The following PIK3CA variants were observed in gnomAD, a reference collection of about 807,000 sequenced individuals.
PIK3CA encodes the protein phosphatidylinositol 4,5-bisphosphate 3-kinase catalytic subunit alpha isoform.
Under a neutral mutation model 138.2 loss-of-function variants are expected in PIK3CA, and 27 were observed. That is an observed-to-expected ratio of 0.20 (90% CI 0.14 to 0.27). The LOEUF is 0.27. PIK3CA is among the 10% of genes least tolerant of loss of function. The pLI is 1.00. For missense variants in PIK3CA, 544 were observed against 1,277.4 expected, an observed-to-expected ratio of 0.43 and a Z score of 8.75; for synonymous variants, 358 against 413.2, an observed-to-expected ratio of 0.87 and a Z score of 1.62.
intron 9 of PIK3CA, 28 bp downstream of exon 9, chr3:179,210,593 T>G: frequency 6.2e-7 from 1 of 1,605,994 alleles, no homozygotes; most frequent in Non-Finnish European, 8.5e-7. Context: ...GTTTATTAAG[T>G]ATCAATTATA....
chr3:179,193,482 G>C (rs1258045687), intron 1 of PIK3CA, among the ~76,000 whole-genome samples: 1 of 152,196 alleles, frequency 6.6e-6, no homozygotes, highest in Non-Finnish European at 1.5e-5. Context: ...AGCAACCTGG[G>C]GTTGTTGGTT....
intron 1 of PIK3CA, among the ~76,000 whole-genome samples, chr3:179,159,214 A>C (rs1723215091): frequency 1.3e-5 from 2 of 152,152 alleles, no homozygotes; most frequent in Non-Finnish European, 2.9e-5. Flanking sequence ...ACTGCATATA[A>C]TTTTGTCTCT....
At position 179,210,071 on chromosome 3, in the gene PIK3CA, T is replaced by G; in HGVS notation, c.1252-115T>G. 6.7e-6 allele frequency: 5 copies of G among 748,892 alleles called. No individual in the cohort carries two copies. The South Asian group carries it at 1.0e-4, about 15-fold the overall frequency. 46.4% of individuals were successfully genotyped at this position (748,892 alleles called of 1,614,324 possible). Reference sequence around the variant, plus strand: ...ACCTTGAAAAATCAATTTTTTTTTTTTAGATATTCCCATTATTATAGAGAT... The same window carrying G: ...ACCTTGAAAAATCAATTTTTTTTTTGTAGATATTCCCATTATTATAGAGAT... On this transcript the variant is annotated intron_variant, in intron 7 of 20. Coordinates refer to ENST00000263967, the MANE Select transcript of PIK3CA (RefSeq NM_006218.4).
intron 14 of PIK3CA, among the ~76,000 whole-genome samples, chr3:179,223,824 C>T (rs950679042): frequency 6.6e-6 from 1 of 152,130 alleles, no homozygotes; most frequent in Non-Finnish European, 1.5e-5. Flanking sequence ...TGCTCTACAG[C>T]CAAAAGCATT....
At chr3:179,189,394 A>G (rs1191752299) in intron 1 of PIK3CA, among the ~76,000 whole-genome samples, 2 of 152,198 alleles carry the variant, frequency 1.3e-5, no homozygotes, top group African/African-American at 2.4e-5. Flanking sequence ...TATAAAATAC[A>G]AAATTTAAAG....
intron 1 of PIK3CA, among the ~76,000 whole-genome samples, chr3:179,154,111 A>G (rs78161687): frequency 0.025 from 3,764 of 152,242 alleles, 153 homozygotes; most frequent in African/African-American, 0.087. Context: ...TAAGTTTGTA[A>G]TAAAAGTGGT....
chr3:179,163,054 A>C (rs1283724382), intron 1 of PIK3CA, among the ~76,000 whole-genome samples: 1 of 152,162 alleles, frequency 6.6e-6, no homozygotes, highest in Non-Finnish European at 1.5e-5. Flanking sequence ...ATTGATAGTA[A>C]AATTGGTAAA....
rs1012230887 is a variant in PIK3CA, at chr3:179,209,817, C to T, written c.1251+117C>T. 12 of 494,692 alleles carry T rather than the reference C, an allele frequency of 2.4e-5. No homozygotes were observed. In the South Asian group the frequency reaches 3.0e-4, roughly 12 times the overall value. 30.6% of individuals were successfully genotyped at this position (494,692 alleles called of 1,614,324 possible). On this transcript the variant is annotated intron_variant, in intron 7 of 20. Transcript: ENST00000263967. ...TATATTTAAGAAAATAATAATAAAC[C>T]TATTTTTAAAATTTTAATAAATGTA...
rs533190884 is a variant in PIK3CA at position 179,175,941 on chromosome 3, G to A, written c.-76-22809G>A. ...AAAAGATGTGAAAAGCTGACCGAAA[G>A]CTCTGGGTGTGAAGTCAGAGCTCTT... On this transcript the variant is annotated intron_variant, in intron 1 of 20. Transcript: ENST00000263967. 5.3e-5 allele frequency among the ~76,000 whole-genome samples: 8 copies of A among 152,146 alleles called. No homozygotes were observed. In the South Asian group the frequency reaches 8.3e-4, roughly 16 times the overall value.
intron 5 of PIK3CA, among the ~76,000 whole-genome samples, 199 bp from the exon 6 acceptor site, chr3:179,204,304 A>G (rs1724498138): frequency 6.6e-6 from 1 of 152,168 alleles, no homozygotes; most frequent in Non-Finnish European, 1.5e-5. Flanking sequence ...TGATGTCTCC[A>G]TTGTTATTAG....
chr3:179,222,619 G>C (rs1724993890), intron 14 of PIK3CA, among the ~76,000 whole-genome samples: 1 of 152,116 alleles, frequency 6.6e-6, no homozygotes, highest in East Asian at 1.9e-4. Context: ...AAAAATGCTG[G>C]CCACACAGTA....
At position 179,240,067 on chromosome 3, in the gene PIK3CA, G is replaced by T; in HGVS notation, c.*5703G>T. The T allele has an allele frequency of 6.6e-7, 1 of 1,524,350 alleles. No homozygotes were observed. The highest frequency in any genetic ancestry group is 8.8e-7 in the Non-Finnish European group (1 of 1,130,656). 94.4% of individuals were successfully genotyped at this position (1,524,350 alleles called of 1,614,324 possible). On this transcript the variant is annotated 3_prime_UTR_variant, in exon 21 of 21. Coordinates refer to ENST00000263967, the MANE Select transcript of PIK3CA (RefSeq NM_006218.4). ...ACTCTGCAGTCTGTAACATCACGCT[G>T]TTTATTAAAAAAAAAAAGAAAAATT...
intron 6 of PIK3CA, 44 bp from the exon 7 acceptor site, chr3:179,209,551 A>G: frequency 8.5e-7 from 1 of 1,181,232 alleles, no homozygotes; most frequent in South Asian, 1.3e-5. Context: ...ACTTTGATGA[A>G]GACTTTTCTT....
At chr3:179,194,068 C>T (rs551724397) in intron 1 of PIK3CA, among the ~76,000 whole-genome samples, 5 of 151,956 alleles carry the variant, frequency 3.3e-5, no homozygotes, top group South Asian at 2.1e-4. Context: ...AGGGATTTTT[C>T]TCTAGACAAT....
chr3:179,154,399 C>T (rs894545713), intron 1 of PIK3CA, among the ~76,000 whole-genome samples: 1 of 151,058 alleles, frequency 6.6e-6, no homozygotes, highest in Admixed American at 6.6e-5. Flanking sequence ...ATCTAGGTTG[C>T]CTGCTCCTAA....
Position 179,219,855 on chromosome 3 carries a change from T to A in PIK3CA, c.1912-94T>A. On this transcript the variant is annotated intron_variant, in intron 12 of 20. Transcript: ENST00000263967. The surrounding 1 kb of genome is among the most constrained non-coding windows in gnomAD (Gnocchi z 4.2). Reference sequence around the variant, plus strand: ...TAGTTTTATGCTTAAAAAAAAAAATTATTACCAGTAATATCCACTTTCTTT... The same window carrying A: ...TAGTTTTATGCTTAAAAAAAAAAATAATTACCAGTAATATCCACTTTCTTT... 6.6e-7 allele frequency: 1 copy of A among 1,521,140 alleles called. No individual in the cohort carries two copies. Among genetic ancestry groups the A allele is most frequent in the Non-Finnish European group, 8.9e-7 (1 of 1,123,176 alleles). The allele number at this position is 1,521,140 out of a possible 1,614,324, so 94.2% of individuals were successfully genotyped here. A position where few individuals can be genotyped will look rare whatever the true frequency, so the allele number is the denominator to read the frequency against.
intron 4 of PIK3CA, among the ~76,000 whole-genome samples, chr3:179,203,187 G>A (rs529298101): frequency 4.1e-4 from 63 of 152,050 alleles, no homozygotes; most frequent in South Asian, 6.2e-4. Context: ...TGATCCGCCC[G>A]CCTCGGCCTC....
chr3:179,207,739 C>T (rs1040250264), intron 6 of PIK3CA, among the ~76,000 whole-genome samples: 2 of 151,882 alleles, frequency 1.3e-5, no homozygotes, highest in Non-Finnish European at 2.9e-5. Flanking sequence ...AGACTGGCTT[C>T]GAACTCCTGA....
At chr3:179,149,328 GGTAGGGCCCGGGATT>G (rs1722947531) in intron 1 of PIK3CA, among the ~76,000 whole-genome samples, 1 of 152,148 alleles carries the variant, frequency 6.6e-6, no homozygotes, top group South Asian at 2.1e-4. Context: ...GGAAAGGTAG[GGTAGGGCCCGGGATT>G]GGGCTATGTA....
Sources: allele counts gnomAD v4.1 joint callset (sites outside exome capture counted in the v4.1 genomes callset), GRCh38; gene constraint gnomAD v4.1.1; non-coding constraint Gnocchi (gnomAD v3.1); transcripts MANE v1.5; gene names NCBI Gene and HGNC (gene_info 2026-07-23, HGNC 2026-07-21).